Variants in RASA3 observed in about 807,000 individuals in gnomAD.
The protein encoded by RASA3 is ras GTPase-activating protein 3.
In RASA3, 73 loss-of-function variants were observed where a neutral mutation model predicts 110.0. The ratio of observed to expected loss-of-function variants is 0.66; its 90% CI spans 0.55 to 0.81. The LOEUF is 0.81. Among genes scored for constraint, RASA3 ranks in the 30% least tolerant of loss-of-function variants. The pLI is 0.00. For synonymous variants in RASA3, 500 were observed against 451.4 expected (o/e 1.11, Z -1.37); for missense variants, 976 against 1,113.2 (o/e 0.88, Z 1.75).
Position 114,073,735 on chromosome 13 carries a change from A to G in RASA3, c.158T>C (p.Val53Ala). 1 of 1,613,920 alleles carries G rather than the reference A, an allele frequency of 6.2e-7. No individual in the cohort carries two copies. Among genetic ancestry groups the G allele is most frequent in the Non-Finnish European group, 8.5e-7 (1 of 1,179,756 alleles). Residue 53 changes from valine (V) to alanine (A), a missense_variant, in exon 2 of 24, where the codon GTG becomes GCG. Val to Ala is a moderately conservative substitution (Grantham distance 64, BLOSUM62 0). This residue lies in a region of RASA3 where 732 missense variants were observed against 779.7 expected (regional missense o/e 0.94). Coordinates refer to ENST00000334062, the MANE Select transcript of RASA3 (RefSeq NM_007368.4). ...AAGACATTACCAGAGTGACTTTTCC[A>G]CAATTTTGGTCCTGAAAACCTCCTC... ...DQEEVFRTKI[V>A]EKSLCPFYGE... is the part of the protein sequence containing the mutation.
chr13:114,068,891 G>A (rs1041637814), intron 2 of RASA3, among the ~76,000 whole-genome samples: 2 of 152,208 alleles, frequency 1.3e-5, no homozygotes, highest in African/African-American at 2.4e-5. Context: ...TGTCCACTTC[G>A]ATGCGTTCTG....
At chr13:114,109,804 C>T (rs2080192133) in intron 1 of RASA3, among the ~76,000 whole-genome samples, 2 of 152,310 alleles carry the variant, frequency 1.3e-5, no homozygotes, top group African/African-American at 4.8e-5. Flanking sequence ...TGGCGCAGGG[C>T]CACGAGGCAG....
intron 1 of RASA3, among the ~76,000 whole-genome samples, chr13:114,076,065 G>T (rs1418400592): frequency 6.6e-6 from 1 of 151,888 alleles, no homozygotes; most frequent in African/African-American, 2.4e-5. Context: ...CTGCCCACAC[G>T]GAGCAGCTCT....
intron 15 of RASA3, among the ~76,000 whole-genome samples, chr13:114,012,561 G>GCATTCCATGCACACTCCC (rs1555328379): frequency 9.2e-6 from 1 of 108,822 alleles, no homozygotes; most frequent in Non-Finnish European, 1.8e-5. Context: ...CACTCCCCAT[G>GCATTCCATGCACACTCCC]CATTCCACAC....
rs762939052 is a variant in RASA3, at chr13:114,027,403, C to A, written c.589G>T (p.Val197Leu). The A allele has an allele frequency of 9.3e-6, 15 of 1,612,278 alleles. No individual in the cohort carries two copies. The highest frequency in any genetic ancestry group is 1.3e-5 in the African/African-American group (1 of 74,906). Residue 197 changes from valine (V) to leucine (L), a missense_variant, in exon 7 of 24, where the codon GTG (valine) becomes TTG (leucine). Around this residue, in one of 4 missense-constraint regions of RASA3, gnomAD observed 732 missense variants for 779.7 expected, o/e 0.94. Coordinates refer to ENST00000334062, the MANE Select transcript of RASA3 (RefSeq NM_007368.4). ...AAGATACCAACCTCAAAATAAAACA[C>A]TTCATCGAACTGGGGATTGTTGGTC... ...RKTNNPQFDE[V>L]FYFEVTRPCS...
At chr13:114,033,148 C>T (rs1383176670) in intron 4 of RASA3, among the ~76,000 whole-genome samples, 4 of 85,014 alleles carry the variant, frequency 4.7e-5, no homozygotes, top group East Asian at 4.1e-4. Context: ...TGACACCACA[C>T]CCCACGGCAC....
chr13:114,117,159 G>A (rs1238141805), intron 1 of RASA3, among the ~76,000 whole-genome samples: 2 of 122,982 alleles, frequency 1.6e-5, no homozygotes, highest in African/African-American at 3.1e-5. Context: ...TGTGTGAGGG[G>A]TGCACGTGTG....
intron 1 of RASA3, among the ~76,000 whole-genome samples, chr13:114,108,203 C>A (rs2080160166): frequency 6.6e-6 from 1 of 151,150 alleles, no homozygotes; most frequent in Admixed American, 6.6e-5. Flanking sequence ...AGCTGTCATC[C>A]CCCATCACCC....
chr13:114,081,153 C>T lies in RASA3; in HGVS notation c.56-7316G>A, dbSNP rs192223782. The stretch of plus-strand genomic sequence containing the variant: ...AAAACGCAACAGTACCCCAGTTACA[C>T]GCTCCTGGTGCAAATGACCCTCCTC... On this transcript the variant is annotated intron_variant, in intron 1 of 23. Transcript: ENST00000334062. Among the ~76,000 whole-genome samples, 23 of 139,532 alleles carry T rather than the reference C, an allele frequency of 1.6e-4. No individual in the cohort carries two copies. In the South Asian group the frequency reaches 3.4e-3, roughly 20 times the overall value. 91.5% of individuals were successfully genotyped at this position (139,532 alleles called of 152,430 possible).
intron 18 of RASA3, among the ~76,000 whole-genome samples, chr13:114,003,611 C>G (rs1040534184): frequency 6.6e-6 from 1 of 152,182 alleles, no homozygotes. Context: ...TTGTTAAGCT[C>G]TATCCTGTGT....
chr13:114,072,279 G>A (rs1439917090), intron 2 of RASA3, among the ~76,000 whole-genome samples: 1 of 152,174 alleles, frequency 6.6e-6, no homozygotes, highest in Non-Finnish European at 1.5e-5. Flanking sequence ...TGGCCACTTA[G>A]CTGGAGCTTT....
In RASA3 at chr13:114,056,124, C is replaced by A. The variant is rs1243707996; in HGVS notation, c.174-3969G>T. On this transcript the variant is annotated intron_variant, in intron 2 of 23. Coordinates refer to ENST00000334062, the MANE Select transcript of RASA3 (RefSeq NM_007368.4). This position sits in a 1 kb window ranked among gnomAD's most constrained non-coding sequence, Gnocchi z 5.7. ...CGCACAGGCACTGAGGACCCCACCACATGGGCCTGTGCCTGCCTGGCAGGA... is the reference window on the plus strand; with the variant it reads ...CGCACAGGCACTGAGGACCCCACCAAATGGGCCTGTGCCTGCCTGGCAGGA... Among the ~76,000 whole-genome samples, 1 of 152,220 alleles carries A rather than the reference C, an allele frequency of 6.6e-6. No homozygotes were observed. The highest frequency in any genetic ancestry group is 1.9e-4 in the East Asian group (1 of 5,192).
intron 1 of RASA3, among the ~76,000 whole-genome samples, chr13:114,087,558 C>T (rs559791220): frequency 2.0e-5 from 3 of 152,364 alleles, no homozygotes; most frequent in East Asian, 3.9e-4. Context: ...AAGTCACCTG[C>T]ACCCGCTCTG....
chr13:114,025,700 A>C (rs578117002), intron 7 of RASA3, among the ~76,000 whole-genome samples: 2 of 152,388 alleles, frequency 1.3e-5, no homozygotes, highest in South Asian at 4.1e-4. Context: ...GAGATTATTT[A>C]ATCTCATTTA....
At chr13:114,060,446 C>T (rs915929823) in intron 2 of RASA3, among the ~76,000 whole-genome samples, 3 of 152,222 alleles carry the variant, frequency 2.0e-5, no homozygotes, top group Non-Finnish European at 4.4e-5. Flanking sequence ...ACCCAAGCCT[C>T]CACAGGTGGG....
At chr13:114,127,889 A>T (rs908191972) in intron 1 of RASA3, among the ~76,000 whole-genome samples, 2 of 152,086 alleles carry the variant, frequency 1.3e-5, no homozygotes, top group Non-Finnish European at 2.9e-5. Context: ...GAGTTTCCAG[A>T]GTTTAGATAA....
Position 114,065,804 on chromosome 13 carries a change from G to A in RASA3, c.173+7916C>T, listed in dbSNP as rs964373543. On this transcript the variant is annotated intron_variant, in intron 2 of 23. Transcript: ENST00000334062. This position sits in a 1 kb window ranked among gnomAD's most constrained non-coding sequence, Gnocchi z 4.1. ...ACCACCCAGCACGGCAGGTCTCAGC[G>A]GAAGCCCCACACACACTGGGTTGCA... Among the ~76,000 whole-genome samples the A allele has an allele frequency of 1.3e-5, 2 of 152,224 alleles. No homozygotes were observed. Among genetic ancestry groups the A allele is most frequent in the Admixed American group, 6.5e-5 (1 of 15,284 alleles).
chr13:114,045,795 G>A (rs1300469123), intron 3 of RASA3, among the ~76,000 whole-genome samples: 1 of 152,212 alleles, frequency 6.6e-6, no homozygotes, highest in East Asian at 1.9e-4. Flanking sequence ...TTTTAGGTTT[G>A]TGCTTTTGGT....
At chr13:114,002,211 A>T (rs1385542814) in intron 18 of RASA3, among the ~76,000 whole-genome samples, 1 of 152,238 alleles carries the variant, frequency 6.6e-6, no homozygotes, top group Admixed American at 6.5e-5. Context: ...ACGCACCTCG[A>T]CAAGCGCACT....
Sources: allele counts gnomAD v4.1 joint callset (sites outside exome capture counted in the v4.1 genomes callset), GRCh38; gene constraint gnomAD v4.1.1; regional missense constraint gnomAD v4.1.1; non-coding constraint Gnocchi (gnomAD v3.1); transcripts MANE v1.5; gene names NCBI Gene and HGNC (gene_info 2026-07-23, HGNC 2026-07-21).